The following C1GALT1 variants were observed in gnomAD, a reference collection of about 807,000 sequenced individuals.
The protein encoded by C1GALT1 is core 1 synthase, glycoprotein-N-acetylgalactosamine 3-beta-galactosyltransferase 1.
In C1GALT1, 11 loss-of-function variants were observed where a neutral mutation model predicts 31.0. The ratio of observed to expected loss-of-function variants is 0.36; its 90% CI spans 0.22 to 0.59. The LOEUF (loss-of-function observed/expected upper bound fraction) is 0.59. Ranked by LOEUF, C1GALT1 falls within the 20% of genes least tolerant of loss-of-function variation. C1GALT1 has a pLI of 0.79. For missense variants in C1GALT1, 424 were observed against 425.2 expected, an observed-to-expected ratio of 1.00 and a Z score of 0.03; for synonymous variants, 175 against 143.6, an observed-to-expected ratio of 1.22 and a Z score of -1.56.
At chr7:7,243,180 C>T (rs1247733824) in intron 3 of C1GALT1, among the ~76,000 whole-genome samples, 1 of 152,088 alleles carries the variant, frequency 6.6e-6, no homozygotes, top group Admixed American at 6.5e-5. Flanking sequence ...GAAGAGAAAG[C>T]AGATGTTGGA....
intron 1 of C1GALT1, among the ~76,000 whole-genome samples, chr7:7,203,957 T>G (rs533374217): frequency 6.6e-6 from 1 of 152,068 alleles, no homozygotes; most frequent in Non-Finnish European, 1.5e-5. Flanking sequence ...TTAACACATC[T>G]CTCCCTATGC....
chr7:7,247,350 A>G lies in C1GALT1; in HGVS notation c.*3623A>G, dbSNP rs1783887448. The G allele has an allele frequency of 2.6e-5, 4 of 152,100 alleles. No homozygotes were observed. In the South Asian group the frequency reaches 8.3e-4, roughly 31 times the overall value. 9.4% of individuals were successfully genotyped at this position (152,100 alleles called of 1,614,324 possible). A position where few individuals can be genotyped will look rare whatever the true frequency, so the allele number is the denominator to read the frequency against. Reference sequence around the variant, plus strand: ...TTTTGATGTCTTATGTTCTCTAATAATGGTATGCTTGTATTTTCTAGTGGG... The same window carrying G: ...TTTTGATGTCTTATGTTCTCTAATAGTGGTATGCTTGTATTTTCTAGTGGG... On this transcript the variant is annotated 3_prime_UTR_variant, in exon 4 of 4. Transcript: ENST00000436587.
chr7:7,182,901 G>C (rs1780648000), intron 1 of C1GALT1, 81 bp downstream of exon 1: 1 of 951,842 alleles, frequency 1.1e-6, no homozygotes, highest in Non-Finnish European at 1.3e-6. Context: ...GGGTTGGTGG[G>C]GAAGCGTGGA....
At chr7:7,214,781 T>C (rs1358635711) in intron 1 of C1GALT1, among the ~76,000 whole-genome samples, 6 of 152,140 alleles carry the variant, frequency 3.9e-5, no homozygotes, top group African/African-American at 1.2e-4. Context: ...GGGTTTACAT[T>C]CTCCAGTCGA....
intron 1 of C1GALT1, among the ~76,000 whole-genome samples, chr7:7,216,096 T>A (rs1782227435): frequency 6.6e-6 from 1 of 152,162 alleles, no homozygotes; most frequent in South Asian, 2.1e-4. Flanking sequence ...CATGCTCTTC[T>A]GCAAAAGAAA....
chr7:7,173,739 A>T (rs1562553608), intron 2 of C1GALT1, among the ~76,000 whole-genome samples: 1 of 151,646 alleles, frequency 6.6e-6, no homozygotes, highest in African/African-American at 2.4e-5. Context: ...CTATTTCTAT[A>T]AAAAATACAA....
At chr7:7,192,486 G>T (rs1372078779) in intron 1 of C1GALT1, among the ~76,000 whole-genome samples, 1 of 151,944 alleles carries the variant, frequency 6.6e-6, no homozygotes, top group African/African-American at 2.4e-5. Context: ...ATTTTTTATG[G>T]CTGAGTAGTA....
intron 1 of C1GALT1, among the ~76,000 whole-genome samples, chr7:7,227,757 C>G (rs1410126520): frequency 6.6e-6 from 1 of 151,688 alleles, no homozygotes; most frequent in Non-Finnish European, 1.5e-5. Flanking sequence ...CAAACCTAAG[C>G]TAACACGTTA....
Position 7,211,050 on chromosome 7 carries a change from A to G in C1GALT1, c.-17-23253A>G, listed in dbSNP as rs548491641. Among the ~76,000 whole-genome samples, 237 of 152,298 alleles carry G rather than the reference A, an allele frequency of 1.6e-3. 2 individuals are homozygous for G. The highest frequency in any genetic ancestry group is 0.01 in the Middle Eastern group (3 of 294). ...TGGCTACTTACTGCTGAAAAGGGGCATCATATGGGGAACAGCAACTAGGGC... is the reference window on the plus strand; with the variant it reads ...TGGCTACTTACTGCTGAAAAGGGGCGTCATATGGGGAACAGCAACTAGGGC... On this transcript the variant is annotated intron_variant, in intron 1 of 3. Coordinates refer to ENST00000436587, the MANE Select transcript of C1GALT1 (RefSeq NM_020156.5).
upstream of C1GALT1, among the ~76,000 whole-genome samples, chr7:7,178,496 T>A (rs1210543210): frequency 1.3e-5 from 2 of 151,918 alleles, no homozygotes; most frequent in African/African-American, 4.8e-5. Flanking sequence ...TTTAAAAAAT[T>A]AAAAAAAATT....
chr7:7,167,979 G>C (rs1780416339), intron 2 of C1GALT1, among the ~76,000 whole-genome samples: 1 of 152,064 alleles, frequency 6.6e-6, no homozygotes, highest in South Asian at 2.1e-4. Context: ...GAAAGACACT[G>C]TTCTTTCTTA....
At chr7:7,232,767 G>T (rs1426336867) in intron 1 of C1GALT1, among the ~76,000 whole-genome samples, 1 of 152,194 alleles carries the variant, frequency 6.6e-6, no homozygotes, top group Non-Finnish European at 1.5e-5. Context: ...TAGGATTACA[G>T]GCGTGAGCCA....
chr7:7,174,754 A>T (rs1008606354), intron 2 of C1GALT1, among the ~76,000 whole-genome samples: 2 of 151,216 alleles, frequency 1.3e-5, no homozygotes, highest in African/African-American at 2.4e-5. Context: ...AGATTTTTTT[A>T]TTTTTATTTT....
intron 1 of C1GALT1, 151 bp from the exon 2 acceptor site, chr7:7,234,152 T>A (rs907736785): frequency 1.4e-5 from 9 of 629,490 alleles, no homozygotes; most frequent in Non-Finnish European, 2.5e-5. Context: ...ATGTGCTGTT[T>A]TAGCAGCAAA....
chr7:7,241,557 TG>T (rs1180096947), intron 3 of C1GALT1, among the ~76,000 whole-genome samples: 3 of 152,100 alleles, frequency 2.0e-5, no homozygotes, highest in African/African-American at 7.2e-5. Context: ...CAGGATTTTT[TG>T]TAAGTCACCT....
chr7:7,192,012 C>T (rs899929229), intron 1 of C1GALT1, among the ~76,000 whole-genome samples: 2 of 152,026 alleles, frequency 1.3e-5, no homozygotes, highest in African/African-American at 4.8e-5. Flanking sequence ...AGTGACTCTG[C>T]CTTTGTTGTC....
At chr7:7,176,728 T>A (rs2128227842) in intron 2 of C1GALT1, among the ~76,000 whole-genome samples, 1 of 152,334 alleles carries the variant, frequency 6.6e-6, no homozygotes, top group South Asian at 2.1e-4. Context: ...TATTCCTCTG[T>A]CAGTCAATTC....
rs755237916 is a variant in C1GALT1 at position 7,238,972 on chromosome 7, T to G, written c.888+50T>G. The G allele has an allele frequency of 2.1e-6, 3 of 1,442,568 alleles. No homozygotes were observed. In the African/African-American group the frequency reaches 4.3e-5, roughly 21 times the overall value. The allele number at this position is 1,442,568 out of a possible 1,614,324, so 89.4% of individuals were successfully genotyped here. A position where few individuals can be genotyped will look rare whatever the true frequency, so the allele number is the denominator to read the frequency against. On this transcript the variant is annotated intron_variant, in intron 3 of 3. Transcript: ENST00000436587. The surrounding 1 kb of genome is among the most constrained non-coding windows in gnomAD (Gnocchi z 5.2). Reference sequence around the variant, plus strand: ...TGTCAATACTTGGACTGACTGAATTTTGTTGATAAAAACATGTTAATATGT... The same window carrying G: ...TGTCAATACTTGGACTGACTGAATTGTGTTGATAAAAACATGTTAATATGT...
chr7:7,217,771 C>G (rs771501038), intron 1 of C1GALT1, among the ~76,000 whole-genome samples: 1 of 152,128 alleles, frequency 6.6e-6, no homozygotes, highest in Non-Finnish European at 1.5e-5. Flanking sequence ...CCTGAGCTCA[C>G]GTGATACTCC....
Sources: gnomAD v4.1 joint callset for allele counts (sites outside exome capture counted in the v4.1 genomes callset) on GRCh38, gnomAD v4.1.1 for gene constraint, Gnocchi (gnomAD v3.1) non-coding constraint, MANE v1.5 for transcripts, NCBI Gene and HGNC (gene_info 2026-07-23, HGNC 2026-07-21) for gene names.